Variants in EIF2AK3 observed in about 807,000 individuals in gnomAD.
EIF2AK3 encodes the protein eukaryotic translation initiation factor 2 alpha kinase 3, also known as eukaryotic translation initiation factor 2-alpha kinase 3.
EIF2AK3 carries 50 observed loss-of-function variants against 113.5 expected under a neutral mutation model. That is an observed-to-expected ratio of 0.44 (90% confidence interval 0.35 to 0.56). The LOEUF (loss-of-function observed/expected upper bound fraction) is 0.56, where lower values mean the gene tolerates loss of function less well. EIF2AK3 is among the 20% of genes least tolerant of loss of function. The pLI is 0.00. For synonymous variants in EIF2AK3, 448 were observed against 495.4 expected (o/e 0.90, Z 1.27); for missense variants, 1,185 against 1,378.0 (o/e 0.86, Z 2.22).
At chr2:88,568,785 A>G (rs1247462081) in intron 14 of EIF2AK3, among the ~76,000 whole-genome samples, 1 of 152,254 alleles carries the variant, frequency 6.6e-6, no homozygotes, top group African/African-American at 2.4e-5. Flanking sequence ...CATTTGTGCA[A>G]TTATTTGAGT....
chr2:88,596,473 TA>T (rs979186059), intron 2 of EIF2AK3, among the ~76,000 whole-genome samples: 9 of 151,976 alleles, frequency 5.9e-5, no homozygotes, highest in Non-Finnish European at 7.4e-5. Context: ...TAAATGCCGT[TA>T]AAAAAATGGA....
intron 15 of EIF2AK3, 51 bp downstream of exon 15, chr2:88,562,237 GT>G: frequency 6.9e-7 from 1 of 1,440,288 alleles, no homozygotes; most frequent in Non-Finnish European, 9.8e-7. Context: ...TTTTGTAAAT[GT>G]TAGATTATTT....
intron 13 of EIF2AK3, among the ~76,000 whole-genome samples, chr2:88,572,476 G>A (rs1470741741): frequency 6.6e-6 from 1 of 152,186 alleles, no homozygotes; most frequent in Non-Finnish European, 1.5e-5. Flanking sequence ...GTTGAGGGAT[G>A]GGTAGGTGTC....
intron 3 of EIF2AK3, chr2:88,594,010 CAG>C (rs1674951145): frequency 2.7e-5 from 25 of 943,246 alleles, no homozygotes; most frequent in Non-Finnish European, 3.2e-5. Context: ...CCGAAGTAAA[CAG>C]AGATTGAAGT....
intron 15 of EIF2AK3, among the ~76,000 whole-genome samples, chr2:88,561,627 G>A (rs1311520765): frequency 6.6e-6 from 1 of 152,230 alleles, no homozygotes; most frequent in Non-Finnish European, 1.5e-5. Context: ...GGCCAAGGCA[G>A]GAGGATCACT....
At chr2:88,587,204 CAAA>C (rs780050125) in intron 8 of EIF2AK3, among the ~76,000 whole-genome samples, 1 of 30,276 alleles carries the variant, frequency 3.3e-5, no homozygotes, top group Admixed American at 4.4e-4. Flanking sequence ...AACTCCATCT[CAAA>C]AAAAAAAAAA....
In EIF2AK3 at chr2:88,590,969, T is replaced by C; in HGVS notation, c.851A>G (p.Lys284Arg). 6.2e-7 allele frequency: 1 copy of C among 1,614,138 alleles called. No individual in the cohort carries two copies. The highest frequency in any genetic ancestry group is 8.5e-7 in the Non-Finnish European group (1 of 1,179,990). The stretch of plus-strand genomic sequence containing the variant: ...AGACTCTTCTGTGTTCTCATTGGGC[T>C]TAAAGGTGCTTTCAATAAATCCGGC... ...TRAGFIESTF[K>R]PNENTEESKI... Residue 284 changes from lysine (K) to arginine (R), a missense_variant, in exon 5 of 17, where the codon AAG (lysine) becomes AGG (arginine). Transcript: ENST00000303236.
At chr2:88,580,411 T>A (rs1340081400) in intron 10 of EIF2AK3, among the ~76,000 whole-genome samples, 1 of 152,232 alleles carries the variant, frequency 6.6e-6, no homozygotes, top group African/African-American at 2.4e-5. Flanking sequence ...TCTCCTCACC[T>A]CTGTAAGGCT....
At chr2:88,564,201 G>A (rs1025406457) in intron 14 of EIF2AK3, among the ~76,000 whole-genome samples, 2 of 152,140 alleles carry the variant, frequency 1.3e-5, no homozygotes, top group African/African-American at 4.8e-5. Flanking sequence ...GTAACCATGG[G>A]TCCTGCTCAT....
At position 88,585,849 on chromosome 2, in the gene EIF2AK3, G is replaced by C; in HGVS notation, c.1642C>G (p.Pro548Ala). ...GCAACCATGATTCTTACCCTGTGAG[G>C]ATGAGGATGGAAAAGCCTGCGCACA... is the stretch of plus-strand genomic sequence containing the variant. Reference protein sequence around the residue: ...FIVRRLFHPHPHRQRKESETQ... With the variant: ...FIVRRLFHPHAHRQRKESETQ... The change falls in exon 9 of 17, where the codon CCT becomes GCT. Residue 548 changes from proline to alanine, a missense_variant. Pro to Ala is a conservative substitution (Grantham distance 27). Transcript: ENST00000303236. 1 of 1,613,568 alleles carries C rather than the reference G, an allele frequency of 6.2e-7. No homozygotes were observed. Among genetic ancestry groups the C allele is most frequent in the South Asian group, 1.1e-5 (1 of 91,056 alleles).
At chr2:88,610,876 G>A (rs1413623765) in intron 2 of EIF2AK3, among the ~76,000 whole-genome samples, 1 of 151,854 alleles carries the variant, frequency 6.6e-6, no homozygotes, top group Non-Finnish European at 1.5e-5. Context: ...AGGCAATATC[G>A]AGACTCTGTC....
At position 88,575,092 on chromosome 2, in the gene EIF2AK3, C is replaced by G; in HGVS notation, c.2391G>C (p.Arg797Ser). 6.2e-7 allele frequency: 1 copy of G among 1,614,170 alleles called. No individual in the cohort carries two copies. The highest frequency in any genetic ancestry group is 8.5e-7 in the Non-Finnish European group (1 of 1,180,040). The change falls in exon 13 of 17, where the codon AGG becomes AGC. Residue 797 changes from arginine to serine, a missense_variant. Coordinates refer to ENST00000303236, the MANE Select transcript of EIF2AK3 (RefSeq NM_004836.7). ...TTGAAGAGGAGGTTCTCTCCCTTGA[C>G]CTTACATAAGGAGAAGCTTCAGAAG... is the stretch of plus-strand genomic sequence containing the variant. ...LCPSEASPYVRSRERTSSSIV... is the reference protein window; with the variant it reads ...LCPSEASPYVSSRERTSSSIV...
chr2:88,574,703 A>C lies in EIF2AK3; in HGVS notation c.2780T>G (p.Phe927Cys). Reference protein sequence around the residue: ...IFLQIAEAVEFLHSKGLMHRD... With the variant: ...IFLQIAEAVECLHSKGLMHRD... ...GTGCATCAGTCCTTTACTGTGAAGA[A>C]ACTCCACTGCCTCTGCGATCTGCAG... Residue 927 changes from phenylalanine to cysteine, a missense_variant, in exon 13 of 17, where the codon TTT becomes TGT. Around this residue, in one of 3 missense-constraint regions of EIF2AK3, gnomAD observed 877 missense variants for 1,024.2 expected, o/e 0.86. Transcript: ENST00000303236. 1 of 1,614,150 alleles carries C rather than the reference A, an allele frequency of 6.2e-7. No individual in the cohort carries two copies. Among genetic ancestry groups the C allele is most frequent in the Non-Finnish European group, 8.5e-7 (1 of 1,180,010 alleles).
chr2:88,609,828 G>C (rs1412426789), intron 2 of EIF2AK3, among the ~76,000 whole-genome samples: 1 of 151,684 alleles, frequency 6.6e-6, no homozygotes, highest in African/African-American at 2.4e-5. Flanking sequence ...GAAAACTTGG[G>C]CCAGGCATGG....
intron 2 of EIF2AK3, among the ~76,000 whole-genome samples, chr2:88,607,737 G>A (rs974614264): frequency 2.0e-5 from 3 of 152,174 alleles, no homozygotes; most frequent in Admixed American, 1.3e-4. Flanking sequence ...AAGCCAGGAG[G>A]CAAGTATGTA....
rs1673790327 is a variant in EIF2AK3 at position 88,556,837 on chromosome 2, TTGA to T, written c.*896_*898del. 2.6e-5 allele frequency: 4 copies of T among 152,256 alleles called. No homozygotes were observed. The South Asian group carries it at 8.3e-4, about 32-fold the overall frequency. 9.4% of individuals were successfully genotyped at this position (152,256 alleles called of 1,614,324 possible). ...TCTGTACACCACCAACCCAAATGGA[TTGA>T]TTTCAGAATTTTTATAAATAAAACA... On this transcript the variant is annotated 3_prime_UTR_variant, in exon 17 of 17. Transcript: ENST00000303236.
At chr2:88,614,241 T>A (rs1675520906) in intron 1 of EIF2AK3, among the ~76,000 whole-genome samples, 1 of 152,194 alleles carries the variant, frequency 6.6e-6, no homozygotes, top group South Asian at 2.1e-4. Context: ...AGGATATCGC[T>A]TCCCTACAGA....
intron 1 of EIF2AK3, among the ~76,000 whole-genome samples, chr2:88,622,013 C>A (rs918529250): frequency 6.6e-6 from 1 of 151,374 alleles, no homozygotes; most frequent in African/African-American, 2.4e-5. Flanking sequence ...TATCCTGCCT[C>A]AGCCTCCTGA....
intron 14 of EIF2AK3, among the ~76,000 whole-genome samples, chr2:88,565,125 C>A (rs567940558): frequency 1.3e-5 from 2 of 151,466 alleles, no homozygotes; most frequent in South Asian, 2.1e-4. Flanking sequence ...CAACCTCCCC[C>A]TCCTGGGTTC....
Sources: allele counts gnomAD v4.1 joint callset (sites outside exome capture counted in the v4.1 genomes callset), GRCh38; gene constraint gnomAD v4.1.1; regional missense constraint gnomAD v4.1.1; transcripts MANE v1.5; gene names NCBI Gene and HGNC (gene_info 2026-07-23, HGNC 2026-07-21).